RABGAP1L: variants seen among roughly 807,000 people sequenced by gnomAD.
RABGAP1L encodes rab GTPase-activating protein 1-like.
A neutral mutation model predicts 137.7 loss-of-function variants in RABGAP1L; 63 were observed. That is an observed-to-expected ratio of 0.46 (90% CI 0.37 to 0.56). The LOEUF (loss-of-function observed/expected upper bound fraction) is 0.56. Among genes scored for constraint, RABGAP1L ranks in the 20% least tolerant of loss-of-function variants. The probability of loss-of-function intolerance (pLI) is 0.00; values close to 1 mark genes in which losing one functional copy is unlikely to be tolerated. For synonymous variants in RABGAP1L, 431 were observed against 433.7 expected (o/e 0.99, Z 0.08); for missense variants, 1,095 against 1,244.0 (o/e 0.88, Z 1.80).
At chr1:174,552,966 CTAATG>C (rs1199399332) in intron 13 of RABGAP1L, among the ~76,000 whole-genome samples, 5 of 152,288 alleles carry the variant, frequency 3.3e-5, no homozygotes, top group South Asian at 2.1e-4. Context: ...TTGCATATCT[CTAATG>C]TAATGATCAG....
intron 11 of RABGAP1L, among the ~76,000 whole-genome samples, chr1:174,369,490 A>G (rs1397619066): frequency 6.6e-6 from 1 of 152,182 alleles, no homozygotes; most frequent in East Asian, 1.9e-4. Context: ...GACCAAGAAT[A>G]ATTTTTAATA....
At chr1:174,987,802 G>A (rs1671723474) in intron 24 of RABGAP1L, among the ~76,000 whole-genome samples, 2 of 152,114 alleles carry the variant, frequency 1.3e-5, no homozygotes, top group South Asian at 4.1e-4. Flanking sequence ...ATGTGGTAGA[G>A]TTATTTTATT....
chr1:174,255,491 CA>C (rs1673046578), intron 7 of RABGAP1L, among the ~76,000 whole-genome samples: 1 of 152,100 alleles, frequency 6.6e-6, no homozygotes, highest in Non-Finnish European at 1.5e-5. Flanking sequence ...ACCAAAATCT[CA>C]GATATTGATG....
At chr1:174,369,184 T>C (rs766821573) in intron 11 of RABGAP1L, among the ~76,000 whole-genome samples, 4 of 152,136 alleles carry the variant, frequency 2.6e-5, no homozygotes, top group Non-Finnish European at 1.5e-5. Flanking sequence ...GTTTAACCTG[T>C]CTTCCAGAAT....
rs924703239 is a variant in RABGAP1L, at chr1:174,989,944, G to A, written c.3099G>A (p.Thr1033=). 1.2e-5 allele frequency: 18 copies of A among 1,549,572 alleles called. No homozygotes were observed. In the African/African-American group the frequency reaches 1.8e-4, roughly 15 times the overall value. The part of the protein sequence containing the change: ...SKTLNSIKTA[T]GTQPLQPAPV... ...CCCTGAACTCTATCAAAACGGCCAC[G>A]GGCACCCAGCCATTGCAGCCAGCAC... The change falls in exon 26 of 26, where the codon ACG becomes ACA. Residue 1033 remains threonine, a synonymous_variant. Transcript: ENST00000681986.
At position 174,436,073 on chromosome 1, in the gene RABGAP1L, G is replaced by A. The variant is rs186890102; in HGVS notation, c.1710+41928G>A. Among the ~76,000 whole-genome samples, 345 of 152,202 alleles carry A rather than the reference G, an allele frequency of 2.3e-3. 1 individual carries two copies. Among genetic ancestry groups the A allele is most frequent in the African/African-American group, 7.9e-3 (327 of 41,500 alleles). On this transcript the variant is annotated intron_variant, in intron 13 of 25. Coordinates refer to ENST00000681986, the MANE Select transcript of RABGAP1L (RefSeq NM_001366446.1). ...TCTATCATTGTTGGACATTTGGGTT[G>A]GTTCCAAGTCTTTGCTATTTTGAAT... is the stretch of plus-strand genomic sequence containing the variant.
At chr1:174,286,773 G>A (rs998065191) in intron 10 of RABGAP1L, among the ~76,000 whole-genome samples, 3 of 151,834 alleles carry the variant, frequency 2.0e-5, no homozygotes, top group African/African-American at 7.3e-5. Context: ...TGTCTTAGAT[G>A]TATTTTAAAT....
At chr1:174,769,879 A>G (rs921622498) in intron 18 of RABGAP1L, among the ~76,000 whole-genome samples, 2 of 152,074 alleles carry the variant, frequency 1.3e-5, no homozygotes, top group African/African-American at 4.8e-5. Context: ...AAAGCAAAAG[A>G]CCTTGAAACT....
At chr1:174,224,331 C>G (rs368936024) in intron 3 of RABGAP1L, among the ~76,000 whole-genome samples, 26 of 151,880 alleles carry the variant, frequency 1.7e-4, no homozygotes, top group Admixed American at 1.7e-3. Context: ...AAAAATTAGC[C>G]GGGCATGGTG....
At chr1:174,473,560 T>C (rs1423933812) in intron 13 of RABGAP1L, among the ~76,000 whole-genome samples, 1 of 152,160 alleles carries the variant, frequency 6.6e-6, no homozygotes, top group Non-Finnish European at 1.5e-5. Flanking sequence ...GATGTTACCT[T>C]AGAGGTTTCT....
At chr1:174,822,872 T>G (rs762863201) in intron 19 of RABGAP1L, among the ~76,000 whole-genome samples, 1 of 152,236 alleles carries the variant, frequency 6.6e-6, no homozygotes, top group Non-Finnish European at 1.5e-5. Context: ...TTCTACCCTG[T>G]ACCTACTTCT....
At chr1:174,781,449 G>T (rs1397195877) in intron 18 of RABGAP1L, among the ~76,000 whole-genome samples, 2 of 152,026 alleles carry the variant, frequency 1.3e-5, no homozygotes, top group Admixed American at 6.6e-5. Flanking sequence ...TGAGTTCTTT[G>T]TAGATTCTGG....
At chr1:174,551,240 T>C (rs944175518) in intron 13 of RABGAP1L, among the ~76,000 whole-genome samples, 1 of 150,752 alleles carries the variant, frequency 6.6e-6, no homozygotes, top group Non-Finnish European at 1.5e-5. Flanking sequence ...CAAAAACCAC[T>C]CTACCCAACA....
chr1:174,947,938 T>A (rs1444220121), intron 19 of RABGAP1L, among the ~76,000 whole-genome samples: 1 of 152,216 alleles, frequency 6.6e-6, no homozygotes, highest in Admixed American at 6.5e-5. Context: ...TATGTATAAA[T>A]TGGTTGTTTG....
At chr1:174,212,341 A>T (rs1668959686) in intron 1 of RABGAP1L, among the ~76,000 whole-genome samples, 1 of 152,032 alleles carries the variant, frequency 6.6e-6, no homozygotes, top group Non-Finnish European at 1.5e-5. Context: ...TGCCGTTAAA[A>T]AGGCAATTAC....
chr1:174,456,256 C>A lies in RABGAP1L; in HGVS notation c.1710+62111C>A, dbSNP rs369008742. Among the ~76,000 whole-genome samples the A allele has an allele frequency of 5.9e-5, 9 of 151,974 alleles. No homozygotes were observed. In the South Asian group the frequency reaches 1.7e-3, roughly 28 times the overall value. ...TCCATAGAGGGTAATAAAAAATTTACCTCTCCTTTTGAAAACACAGCAGTC... is the reference window on the plus strand; with the variant it reads ...TCCATAGAGGGTAATAAAAAATTTAACTCTCCTTTTGAAAACACAGCAGTC... On this transcript the variant is annotated intron_variant, in intron 13 of 25. Transcript: ENST00000681986.
chr1:174,250,199 C>T (rs1672608185), intron 5 of RABGAP1L, among the ~76,000 whole-genome samples: 1 of 152,072 alleles, frequency 6.6e-6, no homozygotes, highest in Non-Finnish European at 1.5e-5. Flanking sequence ...TTGGACTTCA[C>T]ATTGATGATA....
rs193245983 is a variant in RABGAP1L, at chr1:174,356,310, T to G, written c.1466-14669T>G. Among the ~76,000 whole-genome samples the G allele has an allele frequency of 1.2e-3, 178 of 152,210 alleles. 1 individual carries two copies. The highest frequency in any genetic ancestry group is 4.2e-3 in the African/African-American group (174 of 41,554). ...GATTTGTTTACTAAAAACAGTAAAA[T>G]TAAGAGAAAAATCTCTGAATACCTT... On this transcript the variant is annotated intron_variant, in intron 11 of 25. Transcript: ENST00000681986.
At chr1:174,866,125 G>T (rs1375522741) in intron 19 of RABGAP1L, among the ~76,000 whole-genome samples, 3 of 141,188 alleles carry the variant, frequency 2.1e-5, no homozygotes, top group Non-Finnish European at 4.6e-5. Flanking sequence ...GAGAGAGAGA[G>T]AGAGAGAGAG....
Sources: allele counts gnomAD v4.1 joint callset (sites outside exome capture counted in the v4.1 genomes callset), GRCh38; gene constraint gnomAD v4.1.1; transcripts MANE v1.5; gene names NCBI Gene and HGNC (gene_info 2026-07-23, HGNC 2026-07-21).